FRMD5: variants seen among roughly 807,000 people sequenced by gnomAD.
The protein encoded by FRMD5 is FERM domain containing 5.
A neutral mutation model predicts 69.0 loss-of-function variants in FRMD5; 20 were observed. The observed-to-expected ratio is 0.29, with a 90% confidence interval of 0.20 to 0.42. FRMD5 has a LOEUF of 0.42. Ranked by LOEUF, FRMD5 falls within the 10% of genes least tolerant of loss-of-function variation. The pLI is 1.00. For synonymous variants in FRMD5, 271 were observed against 260.1 expected (o/e 1.04, Z -0.40); for missense variants, 595 against 708.6 (o/e 0.84, Z 1.82).
intron 1 of FRMD5, among the ~76,000 whole-genome samples, chr15:44,005,606 G>T (rs537692666): frequency 6.6e-6 from 1 of 152,180 alleles, no homozygotes; most frequent in Non-Finnish European, 1.5e-5. Flanking sequence ...GAGGCCTCAG[G>T]AAACTTACAA....
At chr15:44,115,357 T>G (rs1479302326) in intron 1 of FRMD5, among the ~76,000 whole-genome samples, 1 of 152,214 alleles carries the variant, frequency 6.6e-6, no homozygotes, top group East Asian at 1.9e-4. Flanking sequence ...CAAACATATA[T>G]GTCACATTGC....
chr15:43,960,403 C>T (rs959073599), intron 1 of FRMD5, among the ~76,000 whole-genome samples: 37 of 152,240 alleles, frequency 2.4e-4, no homozygotes, highest in African/African-American at 8.7e-4. Context: ...GTGCCTGCCA[C>T]CACACCTGGC....
chr15:44,119,313 G>C (rs1447449625), intron 1 of FRMD5, among the ~76,000 whole-genome samples: 1 of 152,028 alleles, frequency 6.6e-6, no homozygotes, highest in African/African-American at 2.4e-5. Flanking sequence ...TAAGAAAACA[G>C]CACCTTTCCT....
chr15:43,953,846 T>G (rs2090074867), intron 1 of FRMD5, among the ~76,000 whole-genome samples: 1 of 152,208 alleles, frequency 6.6e-6, no homozygotes. Flanking sequence ...TGATGTGACT[T>G]TACAGCCTTA....
intron 1 of FRMD5, among the ~76,000 whole-genome samples, chr15:43,938,206 T>G (rs2089796931): frequency 8.3e-6 from 1 of 119,910 alleles, no homozygotes; most frequent in Non-Finnish European, 1.6e-5. Flanking sequence ...CAATCTGGCC[T>G]GGGCGAAAGA....
intron 1 of FRMD5, among the ~76,000 whole-genome samples, chr15:43,999,357 C>T (rs889652825): frequency 3.3e-5 from 5 of 152,242 alleles, no homozygotes; most frequent in Admixed American, 2.0e-4. Flanking sequence ...TGTGAGCCAC[C>T]GCACTCAGCC....
intron 1 of FRMD5, among the ~76,000 whole-genome samples, chr15:43,938,861 A>G (rs2089810334): frequency 6.6e-6 from 1 of 151,850 alleles, no homozygotes; most frequent in African/African-American, 2.4e-5. Context: ...TCCTTAATAG[A>G]TTAATTAATT....
chr15:43,924,404 G>C, intron 1 of FRMD5, 95 bp from the exon 2 acceptor site: 1 of 818,118 alleles, frequency 1.2e-6, no homozygotes, highest in Non-Finnish European at 2.0e-6. Context: ...TGTAACTGTT[G>C]CATGTGTCTA....
chr15:43,892,739 G>C (rs1278042416), intron 7 of FRMD5, among the ~76,000 whole-genome samples: 1 of 152,184 alleles, frequency 6.6e-6, no homozygotes, highest in Non-Finnish European at 1.5e-5. Flanking sequence ...AAAGAAGCCA[G>C]TCACAAAAAA....
chr15:44,042,447 A>G (rs1207545564), intron 1 of FRMD5, among the ~76,000 whole-genome samples: 1 of 152,224 alleles, frequency 6.6e-6, no homozygotes, highest in Non-Finnish European at 1.5e-5. Flanking sequence ...CATCATCCTG[A>G]TACCAAAACC....
chr15:44,009,358 A>G (rs1291874373), intron 1 of FRMD5, among the ~76,000 whole-genome samples: 1 of 152,150 alleles, frequency 6.6e-6, no homozygotes. Flanking sequence ...TAAAGATGCA[A>G]AAGACATTTG....
Position 43,876,082 on chromosome 15 carries a change from TG to T in FRMD5, c.1136-1621del, listed in dbSNP as rs1274637135. Reference sequence around the variant, plus strand: ...CTCATCCCAGACTTTAACTTTTCCATGGCTTCCATGATTTTGCCATGTTTTT... The same window carrying T: ...CTCATCCCAGACTTTAACTTTTCCATGCTTCCATGATTTTGCCATGTTTTT... On this transcript the variant is annotated intron_variant, in intron 13 of 13. Coordinates refer to ENST00000417257, the MANE Select transcript of FRMD5 (RefSeq NM_032892.5). 691 of 1,320,224 alleles carry T rather than the reference TG, an allele frequency of 5.2e-4. 3 individuals carry two copies. The highest frequency in any genetic ancestry group is 8.2e-5 in the Non-Finnish European group (75 of 912,984). The allele number at this position is 1,320,224 out of a possible 1,614,324, so 81.8% of individuals were successfully genotyped here. A position where few individuals can be genotyped will look rare whatever the true frequency, so the allele number is the denominator to read the frequency against.
intron 1 of FRMD5, among the ~76,000 whole-genome samples, chr15:44,126,526 C>T (rs543638137): frequency 2.2e-4 from 33 of 152,336 alleles, no homozygotes; most frequent in Admixed American, 5.2e-4. Flanking sequence ...AGTTTCTCTT[C>T]CATCCACAAT....
chr15:43,905,909 T>C lies in FRMD5; in HGVS notation c.470A>G (p.Tyr157Cys), dbSNP rs2089160528. The change falls in exon 6 of 14, where the codon TAC becomes TGC. Residue 157 changes from tyrosine (Y) to cysteine (C), a missense_variant. Coordinates refer to ENST00000417257, the MANE Select transcript of FRMD5 (RefSeq NM_032892.5). ...AGGGAAAAACTGGAACTTGGAGCTG[T>C]AGCCTTCAGGGTGTTTCCCTGAGTC... is the stretch of plus-strand genomic sequence containing the variant. ...DYDSGKHPEGYSSKFQFFPKH... is the reference protein window; with the variant it reads ...DYDSGKHPEGCSSKFQFFPKH... 1 of 1,614,214 alleles carries C rather than the reference T, an allele frequency of 6.2e-7. No individual in the cohort carries two copies. The highest frequency in any genetic ancestry group is 8.5e-7 in the Non-Finnish European group (1 of 1,180,018).
At chr15:43,894,547 C>A (rs1271178479) in intron 7 of FRMD5, among the ~76,000 whole-genome samples, 1 of 151,782 alleles carries the variant, frequency 6.6e-6, no homozygotes, top group Non-Finnish European at 1.5e-5. Flanking sequence ...GGTCATAATG[C>A]CCGCTGAGAT....
intron 1 of FRMD5, among the ~76,000 whole-genome samples, chr15:44,029,339 A>AC (rs1404700940): frequency 6.6e-6 from 1 of 152,114 alleles, no homozygotes; most frequent in Non-Finnish European, 1.5e-5. Flanking sequence ...AAAAACCAGA[A>AC]CCACAAATAG....
At chr15:43,944,178 C>T (rs890499982) in intron 1 of FRMD5, among the ~76,000 whole-genome samples, 1 of 152,188 alleles carries the variant, frequency 6.6e-6, no homozygotes, top group African/African-American at 2.4e-5. Context: ...TAAGGCACTG[C>T]ATCTGGCAAG....
chr15:43,979,038 A>G (rs932738985), intron 1 of FRMD5, among the ~76,000 whole-genome samples: 1 of 152,154 alleles, frequency 6.6e-6, no homozygotes, highest in African/African-American at 2.4e-5. Flanking sequence ...AAATGCTTAT[A>G]GAAAGGGTTC....
intron 1 of FRMD5, among the ~76,000 whole-genome samples, chr15:44,000,086 G>C (rs1176254128): frequency 6.7e-6 from 1 of 148,368 alleles, no homozygotes; most frequent in Non-Finnish European, 1.5e-5. Context: ...AAACTCCTTG[G>C]GCTCAAGCCA....
Sources: gnomAD v4.1 joint callset for allele counts (sites outside exome capture counted in the v4.1 genomes callset) on GRCh38, gnomAD v4.1.1 for gene constraint, MANE v1.5 for transcripts, NCBI Gene and HGNC (gene_info 2026-07-23, HGNC 2026-07-21) for gene names.